C12orf54: variants seen among roughly 807,000 people sequenced by gnomAD.
The protein encoded by C12orf54 is chromosome 12 open reading frame 54.
In C12orf54, 24 loss-of-function variants were observed where a neutral mutation model predicts 26.4. That is an observed-to-expected ratio of 0.91 (90% CI 0.66 to 1.28). The LOEUF is 1.28. C12orf54 is among the 50% of genes most tolerant of loss of function. C12orf54 has a pLI of 0.00. For missense variants in C12orf54, 154 were observed against 150.9 expected (o/e 1.02, Z -0.11); for synonymous variants, 54 against 47.0 (o/e 1.15, Z -0.61).
chr12:48,438,400 CTACTT>C, the C12orf54 span, among the ~76,000 whole-genome samples: 275 of 152,256 alleles, frequency 1.8e-3, no homozygotes, highest in African/African-American at 6.1e-3. Flanking sequence ...TTGGAAAAAA[CTACTT>C]TAAAGTTCAT....
chr12:48,483,345 T>A lies in C12orf54; in HGVS notation c.49T>A (p.Ser17Thr). ...TCAGGAACAAAAGGTAGAAATGACC[T>A]CCAAGCAGCAGAGAAGGTAATGGGG... ...QDQEQKVEMT[S>T]KQQRSTSIEE... Residue 17 changes from serine to threonine, a missense_variant, in exon 2 of 9, where the codon TCC becomes ACC. By Grantham distance (58) the Ser-to-Thr change is moderately conservative. Coordinates refer to ENST00000548364, the MANE Select transcript of C12orf54 (RefSeq NM_152319.4). The A allele has an allele frequency of 6.2e-7, 1 of 1,613,858 alleles. No individual in the cohort carries two copies. The highest frequency in any genetic ancestry group is 8.5e-7 in the Non-Finnish European group (1 of 1,179,886).
At chr12:48,462,187 T>A in the C12orf54 span, among the ~76,000 whole-genome samples, 1 of 147,614 alleles carries the variant, frequency 6.8e-6, no homozygotes, top group South Asian at 2.1e-4. Context: ...CTACTAAAGC[T>A]CACTCAAGAA....
the C12orf54 span, among the ~76,000 whole-genome samples, chr12:48,418,548 G>C: frequency 6.6e-6 from 1 of 152,220 alleles, no homozygotes; most frequent in East Asian, 1.9e-4. Flanking sequence ...GATATGAGTG[G>C]CATGAGAATG....
upstream of C12orf54, among the ~76,000 whole-genome samples, chr12:48,480,624 C>T (rs944432802): frequency 3.9e-5 from 6 of 152,172 alleles, no homozygotes; most frequent in Non-Finnish European, 8.8e-5. Flanking sequence ...CAAATTAGTT[C>T]GGCCCCTATA....
the C12orf54 span, among the ~76,000 whole-genome samples, chr12:48,476,264 A>G: frequency 6.6e-6 from 1 of 152,238 alleles, no homozygotes; most frequent in African/African-American, 2.4e-5. Context: ...ATAGAAAGGA[A>G]CAACCAGTAC....
intron 6 of C12orf54, among the ~76,000 whole-genome samples, chr12:48,492,252 C>T (rs1225073910): frequency 6.6e-6 from 1 of 152,180 alleles, no homozygotes; most frequent in Non-Finnish European, 1.5e-5. Context: ...CCAGAGAAGA[C>T]TCCCTCTGAT....
the C12orf54 span, among the ~76,000 whole-genome samples, chr12:48,454,060 C>G: frequency 6.7e-6 from 1 of 148,544 alleles, no homozygotes; most frequent in Non-Finnish European, 1.5e-5. Context: ...GAAGGAAAAT[C>G]AAGACAGTTC....
At chr12:48,475,842 A>G in the C12orf54 span, among the ~76,000 whole-genome samples, 1 of 152,232 alleles carries the variant, frequency 6.6e-6, no homozygotes, top group Admixed American at 6.5e-5. Flanking sequence ...ATCCAGGAGA[A>G]CTTCCCCAAT....
chr12:48,427,232 A>T, the C12orf54 span, among the ~76,000 whole-genome samples: 5 of 152,112 alleles, frequency 3.3e-5, no homozygotes, highest in Non-Finnish European at 7.4e-5. Context: ...GATAGCTCTT[A>T]TTATTTTGAG....
At chr12:48,447,212 C>CTGTGTGTATGTGTGTGTG in the C12orf54 span, among the ~76,000 whole-genome samples, 621 of 91,056 alleles carry the variant, frequency 6.8e-3, 9 homozygotes, top group African/African-American at 0.019. Context: ...CTCTCTTACT[C>CTGTGTGTATGTGTGTGTG]TGTGTGTGTG....
chr12:48,429,447 A>G, the C12orf54 span, among the ~76,000 whole-genome samples: 1,609 of 152,082 alleles, frequency 0.011, 17 homozygotes, highest in Non-Finnish European at 0.016. Flanking sequence ...GGCTCCTCAA[A>G]CTGATAAAAT....
At chr12:48,492,881 C>T in intron 6 of C12orf54, 66 bp from the exon 7 acceptor site, 7 of 1,412,562 alleles carry the variant, frequency 5.0e-6, no homozygotes, top group Non-Finnish European at 7.0e-6. Context: ...AGGATGTGAG[C>T]TGGGCAGCTG....
At chr12:48,481,892 C>T (rs937044480), upstream of C12orf54, among the ~76,000 whole-genome samples, 3 of 152,082 alleles carry the variant, frequency 2.0e-5, no homozygotes, top group Admixed American at 1.3e-4. Context: ...AGAAGCTGGC[C>T]CTTGGTTCCT....
Position 48,486,212 on chromosome 12 carries a change from G to T in C12orf54, c.96+4G>T. On this transcript the variant is annotated splice_donor_region_variant and intron_variant, in intron 3 of 8. Coordinates refer to ENST00000548364, the MANE Select transcript of C12orf54 (RefSeq NM_152319.4). ...AGAAGAGACAATGAGACCACAGGTG[G>T]GTAAGGTATCCAAATTCTCTGGATC... The T allele has an allele frequency of 6.2e-7, 1 of 1,609,502 alleles. No homozygotes were observed. Among genetic ancestry groups the T allele is most frequent in the Non-Finnish European group, 8.5e-7 (1 of 1,175,864 alleles).
At chr12:48,471,087 T>G in the C12orf54 span, among the ~76,000 whole-genome samples, 5 of 152,174 alleles carry the variant, frequency 3.3e-5, no homozygotes, top group African/African-American at 9.7e-5. Flanking sequence ...TTTGTACCCA[T>G]TAACCATCCT....
At chr12:48,444,586 G>A in the C12orf54 span, among the ~76,000 whole-genome samples, 1 of 152,196 alleles carries the variant, frequency 6.6e-6, no homozygotes, top group African/African-American at 2.4e-5. Flanking sequence ...TACTGCGTTA[G>A]CATTATTCAA....
chr12:48,432,586 A>G, the C12orf54 span, among the ~76,000 whole-genome samples: 1 of 152,182 alleles, frequency 6.6e-6, no homozygotes, highest in East Asian at 1.9e-4. Flanking sequence ...AAAATTGCAT[A>G]CAGCCAGGCA....
At chr12:48,420,394 T>A in the C12orf54 span, among the ~76,000 whole-genome samples, 1 of 152,244 alleles carries the variant, frequency 6.6e-6, no homozygotes, top group Admixed American at 6.5e-5. Flanking sequence ...AATATAAGAC[T>A]TAGCCACCCT....
At chr12:48,432,669 A>G in the C12orf54 span, among the ~76,000 whole-genome samples, 5 of 152,210 alleles carry the variant, frequency 3.3e-5, no homozygotes, top group African/African-American at 7.2e-5. Flanking sequence ...CAGGAGTTCA[A>G]GTCCAGCCTG....
Sources: allele counts gnomAD v4.1 joint callset (sites outside exome capture counted in the v4.1 genomes callset), GRCh38; gene constraint gnomAD v4.1.1; transcripts MANE v1.5; gene names NCBI Gene and HGNC (gene_info 2026-07-23, HGNC 2026-07-21).